Variants in ARAP2 observed in about 807,000 individuals in gnomAD.
The protein encoded by ARAP2 is ArfGAP with RhoGAP domain, ankyrin repeat and PH domain 2, also known as arf-GAP with Rho-GAP domain, ANK repeat and PH domain-containing protein 2.
In ARAP2, 148 loss-of-function variants were observed where a neutral mutation model predicts 194.5. The ratio of observed to expected loss-of-function variants is 0.76; its 90% CI spans 0.67 to 0.87. The LOEUF is 0.87. Ranked by LOEUF, ARAP2 falls within the 40% of genes least tolerant of loss-of-function variation. The probability of loss-of-function intolerance (pLI) is 0.00; values close to 1 mark genes in which losing one functional copy is unlikely to be tolerated. For missense variants in ARAP2, 2,128 were observed against 1,989.7 expected, an observed-to-expected ratio of 1.07 and a Z score of -1.32; for synonymous variants, 695 against 683.5, an observed-to-expected ratio of 1.02 and a Z score of -0.26.
chr4:36,030,310 T>C (rs1471310427), intron 5 of ARAP2, among the ~76,000 whole-genome samples: 1 of 152,106 alleles, frequency 6.6e-6, no homozygotes, highest in Non-Finnish European at 1.5e-5. Context: ...AAGTGACTTA[T>C]TTTTTGTTTT....
chr4:36,179,640 C>T (rs1457599472), intron 8 of ARAP2, among the ~76,000 whole-genome samples: 1 of 152,144 alleles, frequency 6.6e-6, no homozygotes, highest in Non-Finnish European at 1.5e-5. Context: ...TAAAGCAAAA[C>T]ATACTGAATC....
chr4:36,091,273 G>A (rs988941556), intron 28 of ARAP2, among the ~76,000 whole-genome samples: 1 of 152,110 alleles, frequency 6.6e-6, no homozygotes. Context: ...TCTTCACAGA[G>A]ATGAGATTTT....
chr4:36,042,965 A>G (rs1469931955), intron 5 of ARAP2, among the ~76,000 whole-genome samples: 1 of 151,510 alleles, frequency 6.6e-6, no homozygotes, highest in East Asian at 1.9e-4. Context: ...GCCTCAGCCT[A>G]CCAAGTAACT....
Position 36,177,817 on chromosome 4 carries a change from C to G in ARAP2, c.1857+10G>C, listed in dbSNP as rs775965625. 3 of 1,583,266 alleles carry G rather than the reference C, an allele frequency of 1.9e-6. No individual in the cohort carries two copies. Among genetic ancestry groups the G allele is most frequent in the Admixed American group, 3.7e-5 (2 of 53,372 alleles). On this transcript the variant is annotated intron_variant, in intron 9 of 32. Transcript: ENST00000303965. ...TAGCAGCAATTTGCAATGACTATAA[C>G]AGAGCTCACCTGTTCGTTTTTGCAA...
intron 8 of ARAP2, among the ~76,000 whole-genome samples, chr4:36,181,540 C>G (rs182604599): frequency 1.3e-5 from 2 of 152,290 alleles, no homozygotes; most frequent in East Asian, 3.9e-4. Context: ...ACATCAACAA[C>G]ATTATCTAAT....
At chr4:36,064,802 G>C (rs1003547355), downstream of ARAP2, among the ~76,000 whole-genome samples, 1 of 152,206 alleles carries the variant, frequency 6.6e-6, no homozygotes, top group Non-Finnish European at 1.5e-5. Context: ...CACCTCTTGG[G>C]TCACTGCCTC....
chr4:36,163,566 T>C (rs1004220500), intron 11 of ARAP2, among the ~76,000 whole-genome samples: 4 of 152,180 alleles, frequency 2.6e-5, no homozygotes, highest in African/African-American at 7.2e-5. Flanking sequence ...CTTTTCATAA[T>C]ATCTTGTCTA....
chr4:36,155,122 A>C (rs904004274), intron 15 of ARAP2, among the ~76,000 whole-genome samples: 11 of 152,198 alleles, frequency 7.2e-5, no homozygotes, highest in Non-Finnish European at 1.5e-4. Context: ...TAACTTCCCT[A>C]AAAAATGATT....
rs1177127054 is a variant in ARAP2 at position 36,200,949 on chromosome 4, T to C, written c.1488-7302A>G. ...GGAAAAGATAATGTATACAAGACAA[T>C]GCCTTCTTAGCCTATGTTCCGGCTA... is the stretch of plus-strand genomic sequence containing the variant. On this transcript the variant is annotated intron_variant, in intron 6 of 32. Transcript: ENST00000303965. Among the ~76,000 whole-genome samples, 4 of 152,354 alleles carry C rather than the reference T, an allele frequency of 2.6e-5. No individual in the cohort carries two copies. In the East Asian group the frequency reaches 5.8e-4, roughly 22 times the overall value.
rs111517238 is a variant in ARAP2, at chr4:36,185,788, C to T, written c.1678+1663G>A. Among the ~76,000 whole-genome samples the T allele has an allele frequency of 6.1e-3, 928 of 151,076 alleles. 8 individuals are homozygous for T. The highest frequency in any genetic ancestry group is 0.021 in the African/African-American group (881 of 41,144). ...ATCAGGAGTTCTAGACCAACCTGAC[C>T]AACATGGTGAAACCCCGTCTCTACT... is the stretch of plus-strand genomic sequence containing the variant. On this transcript the variant is annotated intron_variant, in intron 8 of 32. Transcript: ENST00000303965.
At chr4:36,020,097 CA>C (rs1204028889) in intron 5 of ARAP2, among the ~76,000 whole-genome samples, 2 of 152,190 alleles carry the variant, frequency 1.3e-5, no homozygotes, top group African/African-American at 4.8e-5. Flanking sequence ...GGCTTAAACA[CA>C]AACACTGTTA....
rs1222064588 is a variant in ARAP2 at position 36,068,069 on chromosome 4, A to G, written c.4953T>C (p.His1651=). Residue 1651 remains histidine, a synonymous_variant, in exon 33 of 33, where the codon CAT becomes CAC. Coordinates refer to ENST00000303965, the MANE Select transcript of ARAP2 (RefSeq NM_015230.4). ...PEAPLGQPKG[H]KGLKTLRKTE... is the part of the protein sequence containing the mutation. Reference sequence around the variant, plus strand: ...TCTTCCTCAATGTCTTTAGGCCTTTATGGCCTTTTGGTTGCCCAAGTGGGG... The same window carrying G: ...TCTTCCTCAATGTCTTTAGGCCTTTGTGGCCTTTTGGTTGCCCAAGTGGGG... 5 of 1,613,988 alleles carry G rather than the reference A, an allele frequency of 3.1e-6. No homozygotes were observed. The African/African-American group carries it at 6.7e-5, about 22-fold the overall frequency.
At chr4:36,064,035 TTTTG>T (rs920838635), downstream of ARAP2, among the ~76,000 whole-genome samples, 6 of 152,318 alleles carry the variant, frequency 3.9e-5, no homozygotes, top group South Asian at 2.1e-4. Context: ...CTTCAATTAT[TTTTG>T]TTTGATTTTG....
In ARAP2 at chr4:36,133,405, A is replaced by G; in HGVS notation, c.3264-16T>C. ...GTATAATGTTCTGTAAAGTTTAAAAAGCATTTCAAATTATAATTTTGCTCT... is the reference window on the plus strand; with the variant it reads ...GTATAATGTTCTGTAAAGTTTAAAAGGCATTTCAAATTATAATTTTGCTCT... On this transcript the variant is annotated splice_polypyrimidine_tract_variant and intron_variant, in intron 19 of 32. Coordinates refer to ENST00000303965, the MANE Select transcript of ARAP2 (RefSeq NM_015230.4). The G allele has an allele frequency of 6.3e-7, 1 of 1,593,712 alleles. No individual in the cohort carries two copies. The highest frequency in any genetic ancestry group is 8.5e-7 in the Non-Finnish European group (1 of 1,170,654).
At chr4:36,142,722 T>C (rs1728636791) in intron 19 of ARAP2, among the ~76,000 whole-genome samples, 1 of 151,658 alleles carries the variant, frequency 6.6e-6, no homozygotes, top group Non-Finnish European at 1.5e-5. Flanking sequence ...AAGCAGCTAC[T>C]TCTCCCTGAC....
intron 12 of ARAP2, among the ~76,000 whole-genome samples, 196 bp from the exon 13 acceptor site, chr4:36,160,837 C>T (rs1039206781): frequency 5.3e-5 from 8 of 152,182 alleles, no homozygotes; most frequent in African/African-American, 9.7e-5. Context: ...AGCCTACCCA[C>T]TCTAAATAAT....
chr4:36,088,445 A>G (rs1712535541), intron 28 of ARAP2, among the ~76,000 whole-genome samples: 1 of 152,050 alleles, frequency 6.6e-6, no homozygotes, highest in Admixed American at 6.6e-5. Flanking sequence ...CCATAATTCT[A>G]TGAAATCTAC....
intron 8 of ARAP2, among the ~76,000 whole-genome samples, chr4:36,183,151 C>T (rs9985895): frequency 0.9 from 136,717 of 152,126 alleles, 61,558 homozygotes; most frequent in East Asian, 1. Flanking sequence ...ATTAATGAGA[C>T]TAAGGAGGGT....
At chr4:36,104,916 G>C (rs1252178725) in intron 27 of ARAP2, among the ~76,000 whole-genome samples, 2 of 151,816 alleles carry the variant, frequency 1.3e-5, no homozygotes, top group Non-Finnish European at 2.9e-5. Flanking sequence ...AAAGTTCCTG[G>C]TACAATAACA....
Sources: allele counts gnomAD v4.1 joint callset (sites outside exome capture counted in the v4.1 genomes callset), GRCh38; gene constraint gnomAD v4.1.1; transcripts MANE v1.5; gene names NCBI Gene and HGNC (gene_info 2026-07-23, HGNC 2026-07-21).